The following PRRT1 variants were observed in gnomAD, a reference collection of about 807,000 sequenced individuals.
The protein encoded by PRRT1 is proline-rich transmembrane protein 1.
Under a neutral mutation model 22.6 loss-of-function variants are expected in PRRT1, and 8 were observed. The ratio of observed to expected loss-of-function variants is 0.35; its 90% confidence interval spans 0.21 to 0.64. PRRT1 has a LOEUF of 0.64. Among genes scored for constraint, PRRT1 ranks in the 30% least tolerant of loss-of-function variants. The pLI, the probability that PRRT1 is intolerant of heterozygous loss-of-function variation, is 0.69. For synonymous variants in PRRT1, 176 were observed against 203.6 expected, an observed-to-expected ratio of 0.86 and a Z score of 1.15; for missense variants, 315 against 444.5, an observed-to-expected ratio of 0.71 and a Z score of 2.62.
Position 32,149,129 on chromosome 6 carries a change from G to C in PRRT1, c.*93C>G. 1 of 1,296,404 alleles carries C rather than the reference G, an allele frequency of 7.7e-7. No homozygotes were observed. The allele number at this position is 1,296,404 out of a possible 1,614,324, so 80.3% of individuals were successfully genotyped here. A position where few individuals can be genotyped will look rare whatever the true frequency, so the allele number is the denominator to read the frequency against. Reference sequence around the variant, plus strand: ...ATCCAAGTCTGACGGCCCCAGAAACGGGTGTGCAGGGCGCCCATTGGGTCC... The same window carrying C: ...ATCCAAGTCTGACGGCCCCAGAAACCGGTGTGCAGGGCGCCCATTGGGTCC... On this transcript the variant is annotated 3_prime_UTR_variant, in exon 4 of 4. Coordinates refer to ENST00000211413, the MANE Select transcript of PRRT1 (RefSeq NM_030651.4). The surrounding 1 kb of genome is among the most constrained non-coding windows in gnomAD (Gnocchi z 8.7).
chr6:32,149,867 C>A lies in PRRT1; in HGVS notation c.559-145G>T. ...AAGCACCCATTACCCTTCCAGGACA[C>A]CCATAAATTCCACCTAAGCCCCTCT... On this transcript the variant is annotated intron_variant, in intron 2 of 3. Coordinates refer to ENST00000211413, the MANE Select transcript of PRRT1 (RefSeq NM_030651.4). This position sits in a 1 kb window ranked among gnomAD's most constrained non-coding sequence, Gnocchi z 8.7. The A allele has an allele frequency of 1.7e-6, 1 of 597,490 alleles. No homozygotes were observed. The highest frequency in any genetic ancestry group is 2.9e-6 in the Non-Finnish European group (1 of 340,418). 37.0% of individuals were successfully genotyped at this position (597,490 alleles called of 1,614,324 possible).
chr6:32,150,472 C>A lies in PRRT1; in HGVS notation c.454G>T (p.Ala152Ser). The A allele has an allele frequency of 2.0e-6, 3 of 1,496,564 alleles. No individual in the cohort carries two copies. The highest frequency in any genetic ancestry group is 2.7e-6 in the Non-Finnish European group (3 of 1,129,730). 92.7% of individuals were successfully genotyped at this position (1,496,564 alleles called of 1,614,324 possible). A position where few individuals can be genotyped will look rare whatever the true frequency, so the allele number is the denominator to read the frequency against. ...AGCGGCAGCGTGCCCACAGTCCCCG[C>A]GTGCGTGGGCACCACGAAGCCAGGG... ...QAPGFVVPTH[A>S]GTVGTLPLGG... is the part of the protein sequence containing the mutation. The change falls in exon 2 of 4, where the codon GCG becomes TCG. Residue 152 changes from alanine to serine, a missense_variant. Physicochemically the swap from Ala to Ser is moderately conservative, Grantham distance 99 (BLOSUM62 1). Transcript: ENST00000211413. The surrounding 1 kb of genome is among the most constrained non-coding windows in gnomAD (Gnocchi z 7.2).
At chr6:32,152,942 A>G (rs1783432864), upstream of PRRT1, 1 of 149,620 alleles carries the variant, frequency 6.7e-6, no homozygotes, top group African/African-American at 2.5e-5. Context: ...GATAATTATT[A>G]TTCTTCCCTT....
In PRRT1 at chr6:32,149,767, TC is replaced by T; in HGVS notation, c.559-46del. 7.7e-7 allele frequency: 1 copy of T among 1,294,266 alleles called. No homozygotes were observed. Among genetic ancestry groups the T allele is most frequent in the Non-Finnish European group, 1.0e-6 (1 of 952,900 alleles). The allele number at this position is 1,294,266 out of a possible 1,614,324, so 80.2% of individuals were successfully genotyped here. A position where few individuals can be genotyped will look rare whatever the true frequency, so the allele number is the denominator to read the frequency against. On this transcript the variant is annotated intron_variant, in intron 2 of 3. Coordinates refer to ENST00000211413, the MANE Select transcript of PRRT1 (RefSeq NM_030651.4). The surrounding 1 kb of genome is among the most constrained non-coding windows in gnomAD (Gnocchi z 8.7). ...GGGCAGGGGCATCACTCTGACCCTC[TC>T]CCAGCCTACCAGCGTTGGGCGGCTG...
rs973198447 is a variant in PRRT1, at chr6:32,149,691, C to T, written c.590G>A (p.Gly197Glu). Residue 197 changes from glycine to glutamate, a missense_variant, in exon 3 of 4, where the codon GGA (glycine) becomes GAA (glutamate). Gly to Glu is a moderately conservative substitution (Grantham distance 98, BLOSUM62 -2). Around this residue, in one of 4 missense-constraint regions of PRRT1, gnomAD observed 263 missense variants for 328.5 expected, o/e 0.80. Coordinates refer to ENST00000211413, the MANE Select transcript of PRRT1 (RefSeq NM_030651.4). The surrounding 1 kb of genome is among the most constrained non-coding windows in gnomAD (Gnocchi z 8.7). ...PYAGGTPGGT[G>E]VTSTLPPPPQ... is the part of the protein sequence containing the mutation. ...CGGCGGGGGGAGAGTGGAGGTCACTCCTGTTCCCCCCGGGGTCCCGCCTGC... is the reference window on the plus strand; with the variant it reads ...CGGCGGGGGGAGAGTGGAGGTCACTTCTGTTCCCCCCGGGGTCCCGCCTGC... The T allele has an allele frequency of 6.2e-7, 1 of 1,604,486 alleles. No individual in the cohort carries two copies. Among genetic ancestry groups the T allele is most frequent in the Non-Finnish European group, 8.5e-7 (1 of 1,175,690 alleles).
Position 32,149,409 on chromosome 6 carries a change from G to C in PRRT1, c.745-11C>G. 4 of 1,595,908 alleles carry C rather than the reference G, an allele frequency of 2.5e-6. No homozygotes were observed. Among genetic ancestry groups the C allele is most frequent in the Middle Eastern group, 3.3e-4 (2 of 6,016 alleles). ...CAAGGCCGTGCGCACCTACGGAGGA[G>C]GGGTGGGGGAAGGAGGTCAAAGAGC... On this transcript the variant is annotated splice_polypyrimidine_tract_variant and intron_variant, in intron 3 of 3. Transcript: ENST00000211413. This position sits in a 1 kb window ranked among gnomAD's most constrained non-coding sequence, Gnocchi z 8.7.
Position 32,150,707 on chromosome 6 carries a change from G to A in PRRT1, c.219C>T (p.Arg73=), listed in dbSNP as rs888551909. The A allele has an allele frequency of 1.4e-6, 2 of 1,469,532 alleles. No individual in the cohort carries two copies. Among genetic ancestry groups the A allele is most frequent in the African/African-American group, 1.4e-5 (1 of 71,016 alleles). The allele number at this position is 1,469,532 out of a possible 1,614,324, so 91.0% of individuals were successfully genotyped here. ...GCAGCGTGGCAGAGGAGGAGGGACCGCGCTGAGCGGTGGCCGCGGAAGAGG... is the reference window on the plus strand; with the variant it reads ...GCAGCGTGGCAGAGGAGGAGGGACCACGCTGAGCGGTGGCCGCGGAAGAGG... ...GLASSAATAQ[R]GPSSSATLPR... is the part of the protein sequence containing the mutation. The change falls in exon 2 of 4, where the codon CGC becomes CGT. Residue 73 remains arginine (R), a synonymous_variant. Transcript: ENST00000211413. The surrounding 1 kb of genome is among the most constrained non-coding windows in gnomAD (Gnocchi z 7.2).
In PRRT1 at chr6:32,149,062, C is replaced by T; in HGVS notation, c.*160G>A. The T allele has an allele frequency of 2.4e-6, 2 of 837,804 alleles. No homozygotes were observed. The highest frequency in any genetic ancestry group is 2.6e-5 in the East Asian group (1 of 37,876). The allele number at this position is 837,804 out of a possible 1,614,324, so 51.9% of individuals were successfully genotyped here. A position where few individuals can be genotyped will look rare whatever the true frequency, so the allele number is the denominator to read the frequency against. ...CCTGAGGAACTGGATTCCGAGCTTG[C>T]TCGCAAGGCGAGACGTTCCGTGGAG... On this transcript the variant is annotated 3_prime_UTR_variant, in exon 4 of 4. Coordinates refer to ENST00000211413, the MANE Select transcript of PRRT1 (RefSeq NM_030651.4). This position sits in a 1 kb window ranked among gnomAD's most constrained non-coding sequence, Gnocchi z 8.7.
upstream of PRRT1, chr6:32,151,966 G>A: frequency 3.4e-6 from 1 of 292,566 alleles, no homozygotes; most frequent in Non-Finnish European, 6.7e-6. Flanking sequence ...GGGGGGGGCG[G>A]GGGGGGCGGG....
upstream of PRRT1, chr6:32,152,799 C>CAGT (rs1395364393): frequency 6.6e-6 from 1 of 152,426 alleles, no homozygotes; most frequent in Admixed American, 6.5e-5. Context: ...AGTCGACCTG[C>CAGT]AGTACAGCGT....
chr6:32,149,476 C>T lies in PRRT1; in HGVS notation c.744+61G>A. 1 of 1,605,176 alleles carries T rather than the reference C, an allele frequency of 6.2e-7. No individual in the cohort carries two copies. The highest frequency in any genetic ancestry group is 8.5e-7 in the Non-Finnish European group (1 of 1,175,654). On this transcript the variant is annotated intron_variant, in intron 3 of 3. Coordinates refer to ENST00000211413, the MANE Select transcript of PRRT1 (RefSeq NM_030651.4). The surrounding 1 kb of genome is among the most constrained non-coding windows in gnomAD (Gnocchi z 8.7). ...CGCCTCAGCCTTTCTCTAAGATGGT[C>T]CCCAGAACGCCCAGAACTCCCTGTC...
Position 32,148,721 on chromosome 6 carries a change from G to A in PRRT1, c.*501C>T, listed in dbSNP as rs1418223750. 2.2e-6 allele frequency: 1 copy of A among 453,612 alleles called. No individual in the cohort carries two copies. The highest frequency in any genetic ancestry group is 1.6e-5 in the South Asian group (1 of 64,376). The allele number at this position is 453,612 out of a possible 1,614,324, so 28.1% of individuals were successfully genotyped here. ...GGAGTGTGGGGGCCTTACTACCCCA[G>A]GGCTCGGTCCTTTTGCCGGAAGAAA... is the stretch of plus-strand genomic sequence containing the variant. On this transcript the variant is annotated 3_prime_UTR_variant, in exon 4 of 4. Transcript: ENST00000211413. The surrounding 1 kb of genome is among the most constrained non-coding windows in gnomAD (Gnocchi z 5.7).
In PRRT1 at chr6:32,150,827, C is replaced by T. The variant is rs374576147; in HGVS notation, c.99G>A (p.Pro33=). ...GGTGTGAGGAAGGGGCTGCCTGTGGCGGTGGGGCTGGGGGTTCGGCTGGAG... is the reference window on the plus strand; with the variant it reads ...GGTGTGAGGAAGGGGCTGCCTGTGGTGGTGGGGCTGGGGGTTCGGCTGGAG... ...PQPPAEPPAP[P]PQAAPSSHHH... The change falls in exon 2 of 4, where the codon CCG becomes CCA. Residue 33 remains proline (P), a synonymous_variant. Transcript: ENST00000211413. This position sits in a 1 kb window ranked among gnomAD's most constrained non-coding sequence, Gnocchi z 7.2. 7 of 1,574,106 alleles carry T rather than the reference C, an allele frequency of 4.4e-6. No individual in the cohort carries two copies. Among genetic ancestry groups the T allele is most frequent in the Middle Eastern group, 1.7e-4 (1 of 5,890 alleles).
upstream of PRRT1, chr6:32,152,880 T>C (rs1783423457): frequency 6.7e-6 from 1 of 150,084 alleles, no homozygotes; most frequent in Admixed American, 6.6e-5. Context: ...GGATAGGAAG[T>C]CTATGGAGAT....
Position 32,150,388 on chromosome 6 carries a change from G to A in PRRT1, c.538C>T (p.Pro180Ser). ...LQLQPCTAYV[P>S]VYPVGTPYAG... ...CTCACCGTGCCCACCGGGTAGACCGGCACGTAAGCAGTGCAAGGCTGCAGC... is the reference window on the plus strand; with the variant it reads ...CTCACCGTGCCCACCGGGTAGACCGACACGTAAGCAGTGCAAGGCTGCAGC... Residue 180 changes from proline to serine, a missense_variant, in exon 2 of 4, where the codon CCG becomes TCG. By Grantham distance (74) the Pro-to-Ser change is moderately conservative. Around this residue, in one of 4 missense-constraint regions of PRRT1, gnomAD observed 263 missense variants for 328.5 expected, o/e 0.80. Coordinates refer to ENST00000211413, the MANE Select transcript of PRRT1 (RefSeq NM_030651.4). This position sits in a 1 kb window ranked among gnomAD's most constrained non-coding sequence, Gnocchi z 7.2. The A allele has an allele frequency of 1.3e-6, 2 of 1,553,024 alleles. No homozygotes were observed. The highest frequency in any genetic ancestry group is 1.7e-6 in the Non-Finnish European group (2 of 1,157,410).
At position 32,148,761 on chromosome 6, in the gene PRRT1, C is replaced by T; in HGVS notation, c.*461G>A. On this transcript the variant is annotated 3_prime_UTR_variant, in exon 4 of 4. Coordinates refer to ENST00000211413, the MANE Select transcript of PRRT1 (RefSeq NM_030651.4). The surrounding 1 kb of genome is among the most constrained non-coding windows in gnomAD (Gnocchi z 5.7). ...GCCGGAAGAAAGGGAGGGGTCTGTC[C>T]GTCTGTGGGCGAGGCCTGGAGCCAC... The T allele has an allele frequency of 2.1e-6, 1 of 469,992 alleles. No individual in the cohort carries two copies. The highest frequency in any genetic ancestry group is 4.2e-6 in the Non-Finnish European group (1 of 236,280). 29.1% of individuals were successfully genotyped at this position (469,992 alleles called of 1,614,324 possible).
rs3134608 is a variant in PRRT1 at position 32,150,194 on chromosome 6, T to G, written c.558+174A>C. ...GGGCACCAGTAGACTCCTACTCCCG[T>G]GTCTCTCCCTAGTCCTTCCTGTCTC... On this transcript the variant is annotated intron_variant, in intron 2 of 3. Transcript: ENST00000211413. This position sits in a 1 kb window ranked among gnomAD's most constrained non-coding sequence, Gnocchi z 7.2. Among the ~76,000 whole-genome samples the G allele has an allele frequency of 0.18, 27,507 of 152,070 alleles. 2,637 individuals are homozygous for G. Among genetic ancestry groups the G allele is most frequent in the Non-Finnish European group, 0.21 (14,368 of 67,962 alleles).
upstream of PRRT1, chr6:32,152,788 G>C (rs746558528): frequency 6.6e-6 from 1 of 152,394 alleles, no homozygotes; most frequent in African/African-American, 2.4e-5. Flanking sequence ...TCCAGCTCCT[G>C]AGTCGACCTG....
At chr6:32,151,998 G>GGT, upstream of PRRT1, 1 of 376,814 alleles carries the variant, frequency 2.7e-6, no homozygotes, top group Non-Finnish European at 5.3e-6. Flanking sequence ...CGGGGAGGGG[G>GGT]GGAGCTTAAA....
Sources: allele counts gnomAD v4.1 joint callset (sites outside exome capture counted in the v4.1 genomes callset), GRCh38; gene constraint gnomAD v4.1.1; regional missense constraint gnomAD v4.1.1; non-coding constraint Gnocchi (gnomAD v3.1); transcripts MANE v1.5; gene names NCBI Gene and HGNC (gene_info 2026-07-23, HGNC 2026-07-21).